SCMH1: variants seen among roughly 807,000 people sequenced by gnomAD.
SCMH1 encodes the protein Scm polycomb group protein homolog 1, also known as polycomb protein SCMH1.
SCMH1 carries 37 observed loss-of-function variants against 70.8 expected under a neutral mutation model. That is an observed-to-expected ratio of 0.52 (90% confidence interval 0.40 to 0.69). The LOEUF (loss-of-function observed/expected upper bound fraction) is 0.69, where lower values mean the gene tolerates loss of function less well. Among genes scored for constraint, SCMH1 ranks in the 30% least tolerant of loss-of-function variants. The pLI, the probability that SCMH1 is intolerant of heterozygous loss-of-function variation, is 0.00. For missense variants in SCMH1, 607 were observed against 827.3 expected, an observed-to-expected ratio of 0.73 and a Z score of 3.27; for synonymous variants, 292 against 307.4, an observed-to-expected ratio of 0.95 and a Z score of 0.52.
At chr1:41,028,301 G>A (rs961778748) in exon 15 of SCMH1, 1 of 1,614,124 alleles carries the variant, frequency 6.2e-7, no homozygotes, top group African/African-American at 1.3e-5. Flanking sequence ...AGCAGCAGCA[G>A]GGCCTTGCCA....
At chr1:41,051,179 C>T (rs891292993) in intron 10 of SCMH1, among the ~76,000 whole-genome samples, 2 of 152,142 alleles carry the variant, frequency 1.3e-5, no homozygotes, top group Non-Finnish European at 2.9e-5. Context: ...CTGAAAAATT[C>T]CTATCACCTA....
chr1:41,198,279 G>A (rs1463304493), intron 1 of SCMH1, among the ~76,000 whole-genome samples: 1 of 152,062 alleles, frequency 6.6e-6, no homozygotes, highest in African/African-American at 2.4e-5. Context: ...GGGTTTAGAG[G>A]GGCTTGCTAG....
chr1:41,204,041 T>C (rs1451754623), intron 1 of SCMH1, among the ~76,000 whole-genome samples: 1 of 152,166 alleles, frequency 6.6e-6, no homozygotes, highest in Non-Finnish European at 1.5e-5. Flanking sequence ...TTTTCACTAG[T>C]CTATAAGGCA....
intron 8 of SCMH1, among the ~76,000 whole-genome samples, chr1:41,087,644 G>A (rs1206361004): frequency 6.6e-6 from 1 of 152,034 alleles, no homozygotes; most frequent in Non-Finnish European, 1.5e-5. Flanking sequence ...TGGCAAAAAA[G>A]TCAAAAGCTT....
intron 8 of SCMH1, among the ~76,000 whole-genome samples, chr1:41,104,287 C>T (rs936601131): frequency 7.9e-5 from 12 of 152,090 alleles, no homozygotes; most frequent in African/African-American, 2.7e-4. Flanking sequence ...GACGGATTTA[C>T]CAGATGTGAT....
intron 2 of SCMH1, among the ~76,000 whole-genome samples, chr1:41,161,850 T>C (rs1000068362): frequency 1.3e-5 from 2 of 152,240 alleles, no homozygotes; most frequent in Admixed American, 6.5e-5. Context: ...TGGGCTCAAC[T>C]GTATCCTCCA....
chr1:41,207,765 T>G (rs1655910666), intron 1 of SCMH1, among the ~76,000 whole-genome samples: 2 of 152,150 alleles, frequency 1.3e-5, no homozygotes, highest in South Asian at 2.1e-4. Context: ...GCACTTATTA[T>G]AAAAGTGACC....
At chr1:41,176,201 A>C (rs557688709) in intron 2 of SCMH1, among the ~76,000 whole-genome samples, 16 of 131,852 alleles carry the variant, frequency 1.2e-4, no homozygotes, top group African/African-American at 4.1e-4. Flanking sequence ...AAAAAAAAAC[A>C]AAAAAAAAAA....
chr1:41,053,511 G>C (rs1256761333), intron 10 of SCMH1, among the ~76,000 whole-genome samples: 1 of 152,210 alleles, frequency 6.6e-6, no homozygotes, highest in African/African-American at 2.4e-5. Context: ...AGAACGAGCT[G>C]GTTGGCCATG....
chr1:41,161,282 C>CA, intron 3 of SCMH1, 82 bp downstream of exon 3: 1 of 1,541,806 alleles, frequency 6.5e-7, no homozygotes, highest in Non-Finnish European at 8.7e-7. Context: ...TTTGTAAACT[C>CA]AGACCTCTAA....
intron 6 of SCMH1, among the ~76,000 whole-genome samples, chr1:41,129,135 A>C (rs1673964222): frequency 1.3e-5 from 2 of 152,052 alleles, no homozygotes; most frequent in South Asian, 4.1e-4. Flanking sequence ...TTATTTCTGG[A>C]TTCTAATTAT....
intron 2 of SCMH1, among the ~76,000 whole-genome samples, chr1:41,171,406 GAAGTGTGGCAAT>G (rs1646773301): frequency 6.6e-6 from 1 of 152,058 alleles, no homozygotes; most frequent in Non-Finnish European, 1.5e-5. Flanking sequence ...GCCACACAAA[GAAGTGTGGCAAT>G]AAGCTTATGC....
At chr1:41,180,319 C>T (rs1308834659) in intron 2 of SCMH1, among the ~76,000 whole-genome samples, 4 of 152,206 alleles carry the variant, frequency 2.6e-5, no homozygotes, top group Admixed American at 2.0e-4. Flanking sequence ...CAGGGATGCC[C>T]TCTCTTACCA....
At chr1:41,226,084 A>G (rs1247450393) in intron 1 of SCMH1, among the ~76,000 whole-genome samples, 1 of 152,210 alleles carries the variant, frequency 6.6e-6, no homozygotes, top group African/African-American at 2.4e-5. Context: ...CTGTTTGCAA[A>G]AAGTACAGAA....
At chr1:41,135,994 A>G (rs1341574590) in intron 6 of SCMH1, among the ~76,000 whole-genome samples, 2 of 146,696 alleles carry the variant, frequency 1.4e-5, no homozygotes, top group African/African-American at 2.5e-5. Flanking sequence ...CTCAGGCTGG[A>G]GTGTAGTGGT....
intron 2 of SCMH1, among the ~76,000 whole-genome samples, chr1:41,185,230 A>AT: frequency 6.6e-6 from 1 of 152,310 alleles, no homozygotes; most frequent in African/African-American, 2.4e-5. Context: ...GGTAATAAGG[A>AT]TTAAAAAAAA....
intron 6 of SCMH1, 115 bp downstream of exon 6, chr1:41,142,763 A>G (rs967960822): frequency 7.4e-6 from 6 of 811,122 alleles, no homozygotes; most frequent in African/African-American, 3.5e-5. Flanking sequence ...TTAGGAGACT[A>G]TATGAAAAAT....
intron 1 of SCMH1, among the ~76,000 whole-genome samples, chr1:41,241,208 G>T (rs1371660492): frequency 6.6e-6 from 1 of 152,174 alleles, no homozygotes; most frequent in Non-Finnish European, 1.5e-5. Context: ...AAGTCACTTT[G>T]GCATGGGATG....
At chr1:41,042,122 A>G (rs1346407822) in intron 12 of SCMH1, among the ~76,000 whole-genome samples, 1 of 151,900 alleles carries the variant, frequency 6.6e-6, no homozygotes, top group Admixed American at 6.6e-5. Flanking sequence ...CTCCTGGCTC[A>G]TCATGCCTTG....
Sources: gnomAD v4.1 joint callset for allele counts (sites outside exome capture counted in the v4.1 genomes callset) on GRCh38, gnomAD v4.1.1 for gene constraint, MANE v1.5 for transcripts, NCBI Gene and HGNC (gene_info 2026-07-23, HGNC 2026-07-21) for gene names.